The following SPCS2 variants were observed in gnomAD, a reference collection of about 807,000 sequenced individuals.
The protein encoded by SPCS2 is signal peptidase complex subunit 2.
Under a neutral mutation model 22.3 loss-of-function variants are expected in SPCS2, and 3 were observed. That is an observed-to-expected ratio of 0.13 (90% CI 0.06 to 0.35). SPCS2 has a LOEUF of 0.35. SPCS2 is among the 10% of genes least tolerant of loss of function. The pLI, the probability that SPCS2 is intolerant of heterozygous loss-of-function variation, is 1.00. For missense variants in SPCS2, 169 were observed against 280.9 expected (o/e 0.60, Z 2.85); for synonymous variants, 67 against 97.2 (o/e 0.69, Z 1.83).
At chr11:74,974,677 C>G (rs1263952472) in intron 4 of SPCS2, among the ~76,000 whole-genome samples, 2 of 152,152 alleles carry the variant, frequency 1.3e-5, no homozygotes, top group Non-Finnish European at 1.5e-5. Context: ...TGCAGTGGCG[C>G]GATCTCGGCT....
chr11:74,961,111 C>G (rs1322940570), intron 1 of SPCS2, among the ~76,000 whole-genome samples: 1 of 150,948 alleles, frequency 6.6e-6, no homozygotes, highest in African/African-American at 2.4e-5. Flanking sequence ...TCCCTGTGAC[C>G]CAGTGAGGGA....
At chr11:74,960,442 G>T (rs142254046) in intron 1 of SPCS2, among the ~76,000 whole-genome samples, 1 of 152,022 alleles carries the variant, frequency 6.6e-6, no homozygotes, top group Non-Finnish European at 1.5e-5. Context: ...TTACATTGGG[G>T]GGGGAGGTTC....
At chr11:74,976,213 A>G (rs867572819) in intron 4 of SPCS2, among the ~76,000 whole-genome samples, 9 of 152,206 alleles carry the variant, frequency 5.9e-5, no homozygotes, top group Non-Finnish European at 1.2e-4. Context: ...TAAGACAACA[A>G]TCTTTGCTCA....
chr11:74,957,922 A>G (rs1420323454), intron 1 of SPCS2, among the ~76,000 whole-genome samples: 1 of 152,244 alleles, frequency 6.6e-6, no homozygotes, highest in Non-Finnish European at 1.5e-5. Flanking sequence ...GTTTGCTGGT[A>G]GAAAAAAATA....
At chr11:74,950,984 T>C (rs147515093) in intron 1 of SPCS2, among the ~76,000 whole-genome samples, 1 of 152,232 alleles carries the variant, frequency 6.6e-6, no homozygotes, top group East Asian at 1.9e-4. Flanking sequence ...AAGCACCTCA[T>C]AGCCTGTGCT....
intron 4 of SPCS2, among the ~76,000 whole-genome samples, chr11:74,973,167 G>A (rs570034282): frequency 6.6e-6 from 1 of 152,254 alleles, no homozygotes; most frequent in East Asian, 1.9e-4. Context: ...CGGTACTACA[G>A]GTAGAGATGG....
In SPCS2 at chr11:74,965,939, G is replaced by T; in HGVS notation, c.359+16G>T. The T allele has an allele frequency of 6.3e-7, 1 of 1,581,708 alleles. No homozygotes were observed. Among genetic ancestry groups the T allele is most frequent in the South Asian group, 1.2e-5 (1 of 84,930 alleles). ...GTGTCATATCATATCCTTTATTTAT[G>T]CTCAGGTTGTTTTCTAGTGACTATT... On this transcript the variant is annotated intron_variant, in intron 3 of 4. Transcript: ENST00000263672.
chr11:74,971,870 CT>C (rs1222422606), intron 4 of SPCS2, among the ~76,000 whole-genome samples: 1 of 152,196 alleles, frequency 6.6e-6, no homozygotes, highest in East Asian at 1.9e-4. Context: ...AAAATACATT[CT>C]CTTACTCTGG....
rs1311963063 is a variant in SPCS2, at chr11:74,949,359, A to AC, written c.75dup (p.Cys26LeufsTer8). On this transcript the variant is annotated frameshift_variant, in exon 1 of 5. Transcript: ENST00000263672. LOFTEE classifies it high-confidence loss of function. ...TGTAGTGGGGCTGGTGGTGCTTCCA[A>AC]CTGCGGGACAGGAAGTGGCCGTAGC... is the stretch of plus-strand genomic sequence containing the variant. 1 of 1,551,378 alleles carries AC rather than the reference A, an allele frequency of 6.4e-7. No homozygotes were observed. The highest frequency in any genetic ancestry group is 8.7e-7 in the Non-Finnish European group (1 of 1,146,920).
At chr11:74,949,653 A>G (rs1565481159) in intron 1 of SPCS2, 1 of 535,802 alleles carries the variant, frequency 1.9e-6, no homozygotes, top group Non-Finnish European at 3.6e-6. Flanking sequence ...TTTTTCGGTA[A>G]TTTGATTTTT....
In SPCS2 at chr11:74,977,177, G is replaced by C; in HGVS notation, c.*134G>C. The C allele has an allele frequency of 7.3e-7, 1 of 1,362,232 alleles. No homozygotes were observed. The highest frequency in any genetic ancestry group is 9.7e-7 in the Non-Finnish European group (1 of 1,032,160). 84.4% of individuals were successfully genotyped at this position (1,362,232 alleles called of 1,614,324 possible). On this transcript the variant is annotated 3_prime_UTR_variant, in exon 5 of 5. Coordinates refer to ENST00000263672, the MANE Select transcript of SPCS2 (RefSeq NM_014752.3). ...GTCCCTGTTTTGTCCTGAAATTTTAGTCTATTCTGGGTAAATAGGATTTTC... is the reference window on the plus strand; with the variant it reads ...GTCCCTGTTTTGTCCTGAAATTTTACTCTATTCTGGGTAAATAGGATTTTC...
In SPCS2 at chr11:74,965,016, T is replaced by C; in HGVS notation, c.115-18T>C. On this transcript the variant is annotated intron_variant, in intron 1 of 4. Coordinates refer to ENST00000263672, the MANE Select transcript of SPCS2 (RefSeq NM_014752.3). ...AGGCCAGGTTTCTTGATGCACAACTTTTTTGTTTGTTTTACAGTGGAAGAT... is the reference window on the plus strand; with the variant it reads ...AGGCCAGGTTTCTTGATGCACAACTCTTTTGTTTGTTTTACAGTGGAAGAT... The C allele has an allele frequency of 3.9e-6, 6 of 1,536,566 alleles. No homozygotes were observed. Among genetic ancestry groups the C allele is most frequent in the East Asian group, 2.5e-5 (1 of 40,814 alleles).
At chr11:74,971,924 C>T (rs1175595362) in intron 4 of SPCS2, among the ~76,000 whole-genome samples, 3 of 152,200 alleles carry the variant, frequency 2.0e-5, no homozygotes, top group Admixed American at 1.3e-4. Context: ...TCCAAGTTTC[C>T]AGTGACCCCG....
At chr11:74,975,998 T>C (rs1294635614) in intron 4 of SPCS2, among the ~76,000 whole-genome samples, 1 of 152,204 alleles carries the variant, frequency 6.6e-6, no homozygotes, top group East Asian at 1.9e-4. Flanking sequence ...CCTTGAAGTA[T>C]AGCTAAAGGA....
chr11:74,967,650 G>C (rs1046152802), intron 3 of SPCS2, among the ~76,000 whole-genome samples: 1 of 152,228 alleles, frequency 6.6e-6, no homozygotes, highest in African/African-American at 2.4e-5. Context: ...TTGGGAGGCT[G>C]AGGCACAAGA....
chr11:74,976,106 C>T (rs1948612300), intron 4 of SPCS2, among the ~76,000 whole-genome samples: 1 of 152,118 alleles, frequency 6.6e-6, no homozygotes, highest in South Asian at 2.1e-4. Flanking sequence ...GGACTAGGCA[C>T]CCCGGGATTG....
chr11:74,956,546 C>A (rs1948479960), intron 1 of SPCS2, among the ~76,000 whole-genome samples: 1 of 152,230 alleles, frequency 6.6e-6, no homozygotes, highest in Non-Finnish European at 1.5e-5. Flanking sequence ...ATTTTCCTGG[C>A]TGTACATCCA....
intron 4 of SPCS2, among the ~76,000 whole-genome samples, chr11:74,971,983 T>C (rs1948587351): frequency 1.3e-5 from 2 of 152,232 alleles, no homozygotes; most frequent in Admixed American, 6.5e-5. Context: ...TTCTGTAACC[T>C]GGCTCACTCC....
In SPCS2 at chr11:74,978,227, T is replaced by C. The variant is rs1208693609; in HGVS notation, c.*1184T>C. On this transcript the variant is annotated 3_prime_UTR_variant, in exon 5 of 5. Coordinates refer to ENST00000263672, the MANE Select transcript of SPCS2 (RefSeq NM_014752.3). The stretch of plus-strand genomic sequence containing the variant: ...CTACAGCCTTACAAAACATCAATTT[T>C]GGCTGAGCCTAGTACCCAACACTAT... 3 of 152,226 alleles carry C rather than the reference T, an allele frequency of 2.0e-5. No homozygotes were observed. Among genetic ancestry groups the C allele is most frequent in the African/African-American group, 7.2e-5 (3 of 41,462 alleles). 9.4% of individuals were successfully genotyped at this position (152,226 alleles called of 1,614,324 possible).
Sources: allele counts gnomAD v4.1 joint callset (sites outside exome capture counted in the v4.1 genomes callset), GRCh38; gene constraint gnomAD v4.1.1; transcripts MANE v1.5; gene names NCBI Gene and HGNC (gene_info 2026-07-23, HGNC 2026-07-21).